The following PARD3B variants were observed in gnomAD, a reference collection of about 807,000 sequenced individuals.
The protein encoded by PARD3B is partitioning defective 3 homolog B.
Under a neutral mutation model 130.2 loss-of-function variants are expected in PARD3B, and 103 were observed. That is an observed-to-expected ratio of 0.79 (90% confidence interval 0.67 to 0.93). The LOEUF (loss-of-function observed/expected upper bound fraction) is 0.93, where lower values mean the gene tolerates loss of function less well. Ranked by LOEUF, PARD3B falls within the 40% of genes least tolerant of loss-of-function variation. PARD3B has a pLI of 0.00. For synonymous variants in PARD3B, 583 were observed against 553.2 expected, an observed-to-expected ratio of 1.05 and a Z score of -0.76; for missense variants, 1,609 against 1,499.2, an observed-to-expected ratio of 1.07 and a Z score of -1.21.
At chr2:205,238,897 T>C (rs2039218549) in intron 15 of PARD3B, among the ~76,000 whole-genome samples, 1 of 131,328 alleles carries the variant, frequency 7.6e-6, no homozygotes, top group African/African-American at 3.0e-5. Context: ...TATATATATA[T>C]ATATATATAT....
intron 22 of PARD3B, among the ~76,000 whole-genome samples, chr2:205,597,320 T>G (rs1462271254): frequency 6.6e-6 from 1 of 152,216 alleles, no homozygotes; most frequent in Non-Finnish European, 1.5e-5. Flanking sequence ...GGCACTGGCC[T>G]CTGGCTGCAT....
intron 4 of PARD3B, among the ~76,000 whole-genome samples, chr2:205,087,984 A>G (rs1701846582): frequency 1.3e-5 from 2 of 152,214 alleles, no homozygotes; most frequent in Admixed American, 1.3e-4. Context: ...AGTTAAGCCA[A>G]TTATTCTAGT....
At chr2:205,383,892 G>T (rs2216176) in intron 18 of PARD3B, among the ~76,000 whole-genome samples, 117,539 of 151,980 alleles carry the variant, frequency 0.77, 46,923 homozygotes, top group Admixed American at 0.88. Context: ...TGTTGCATGG[G>T]TGTTTACTTC....
At chr2:205,401,853 AAGAC>A (rs1215930990) in intron 19 of PARD3B, among the ~76,000 whole-genome samples, 1 of 152,216 alleles carries the variant, frequency 6.6e-6, no homozygotes, top group East Asian at 1.9e-4. Flanking sequence ...AGCTTGGAGA[AAGAC>A]TGAGATTATG....
chr2:205,368,507 C>G (rs2044690499), intron 18 of PARD3B, among the ~76,000 whole-genome samples: 1 of 152,040 alleles, frequency 6.6e-6, no homozygotes, highest in African/African-American at 2.4e-5. Flanking sequence ...TGGTGCACAC[C>G]TGTAATCCCA....
At chr2:205,477,620 T>A (rs2049071584) in intron 20 of PARD3B, among the ~76,000 whole-genome samples, 1 of 152,162 alleles carries the variant, frequency 6.6e-6, no homozygotes. Context: ...AGCACATGAT[T>A]TAGCCTCTCT....
In PARD3B at chr2:205,187,928, T is replaced by A. The variant is rs1196298979; in HGVS notation, c.2024+2065T>A. On this transcript the variant is annotated intron_variant, in intron 14 of 22. Transcript: ENST00000406610. This position sits in a 1 kb window ranked among gnomAD's most constrained non-coding sequence, Gnocchi z 4.9. ...ATTCTTCTTTTCCACTCTGCAGTATTTGGTTATTAAGTCATTTATTCACTT... is the reference window on the plus strand; with the variant it reads ...ATTCTTCTTTTCCACTCTGCAGTATATGGTTATTAAGTCATTTATTCACTT... 6.6e-6 allele frequency among the ~76,000 whole-genome samples: 1 copy of A among 152,190 alleles called. No individual in the cohort carries two copies. Among genetic ancestry groups the A allele is most frequent in the African/African-American group, 2.4e-5 (1 of 41,438 alleles).
chr2:205,443,482 G>A (rs1017021589), intron 20 of PARD3B, among the ~76,000 whole-genome samples: 1 of 152,152 alleles, frequency 6.6e-6, no homozygotes, highest in Non-Finnish European at 1.5e-5. Context: ...ATGTAGAAAT[G>A]GATCATTGCA....
At chr2:205,014,155 T>A (rs1695940565) in intron 3 of PARD3B, among the ~76,000 whole-genome samples, 1 of 152,200 alleles carries the variant, frequency 6.6e-6, no homozygotes, top group African/African-American at 2.4e-5. Flanking sequence ...AACCATGTAT[T>A]CAATAAAAAT....
intron 16 of PARD3B, among the ~76,000 whole-genome samples, chr2:205,270,992 G>A (rs2040704140): frequency 6.6e-6 from 1 of 152,128 alleles, no homozygotes; most frequent in African/African-American, 2.4e-5. Context: ...GGAAAAAGGT[G>A]TCTGGAAATG....
At position 205,091,423 on chromosome 2, in the gene PARD3B, T is replaced by C. The variant is rs986554290; in HGVS notation, c.505-13003T>C. Among the ~76,000 whole-genome samples, 1 of 152,128 alleles carries C rather than the reference T, an allele frequency of 6.6e-6. No individual in the cohort carries two copies. Among genetic ancestry groups the C allele is most frequent in the African/African-American group, 2.4e-5 (1 of 41,438 alleles). On this transcript the variant is annotated intron_variant, in intron 4 of 22. Transcript: ENST00000406610. The surrounding 1 kb of genome is among the most constrained non-coding windows in gnomAD (Gnocchi z 4.2). ...TGGCGACCTCTCACTTTTCTGCACC[T>C]TCTCGGGGAAATAGATGAGGAGGGT...
At chr2:204,937,725 G>A (rs755377903) in intron 2 of PARD3B, among the ~76,000 whole-genome samples, 1 of 152,132 alleles carries the variant, frequency 6.6e-6, no homozygotes, top group Non-Finnish European at 1.5e-5. Flanking sequence ...CTCTCTTGAT[G>A]TTAGCAGCTG....
chr2:205,240,552 G>T (rs1221990573), intron 15 of PARD3B, among the ~76,000 whole-genome samples: 1 of 152,096 alleles, frequency 6.6e-6, no homozygotes. Context: ...GAACACATTT[G>T]CATATTCCCC....
At chr2:205,178,174 A>T (rs1163051389) in intron 13 of PARD3B, among the ~76,000 whole-genome samples, 2 of 148,538 alleles carry the variant, frequency 1.3e-5, no homozygotes, top group Non-Finnish European at 3.0e-5. Context: ...AAAAAAAAAA[A>T]AAAATTAGTC....
intron 2 of PARD3B, among the ~76,000 whole-genome samples, chr2:204,775,175 G>A (rs768845541): frequency 5.3e-5 from 8 of 152,072 alleles, no homozygotes; most frequent in South Asian, 2.1e-4. Context: ...AACTTTGTTC[G>A]TAAATACGGA....
intron 1 of PARD3B, among the ~76,000 whole-genome samples, chr2:204,594,030 C>G (rs1189766721): frequency 2.6e-5 from 4 of 152,134 alleles, no homozygotes; most frequent in Non-Finnish European, 5.9e-5. Context: ...CACAGTGGTT[C>G]CATCAACACT....
chr2:204,573,845 C>T (rs1331609130), intron 1 of PARD3B, among the ~76,000 whole-genome samples: 5 of 152,228 alleles, frequency 3.3e-5, no homozygotes, highest in African/African-American at 1.2e-4. Context: ...ACCTCTGTCA[C>T]TGTGGCTCAT....
At chr2:205,206,450 A>C (rs1164051922) in intron 15 of PARD3B, among the ~76,000 whole-genome samples, 1 of 146,354 alleles carries the variant, frequency 6.8e-6, no homozygotes, top group Non-Finnish European at 1.5e-5. Flanking sequence ...CCCACCTATG[A>C]GTGAGAATAT....
intron 4 of PARD3B, among the ~76,000 whole-genome samples, chr2:205,062,571 A>G (rs1700123390): frequency 6.6e-6 from 1 of 152,162 alleles, no homozygotes; most frequent in Non-Finnish European, 1.5e-5. Flanking sequence ...AGGATGGAGA[A>G]TGTATTGTTT....
Sources: gnomAD v4.1 joint callset for allele counts (sites outside exome capture counted in the v4.1 genomes callset) on GRCh38, gnomAD v4.1.1 for gene constraint, Gnocchi (gnomAD v3.1) non-coding constraint, MANE v1.5 for transcripts, NCBI Gene and HGNC (gene_info 2026-07-23, HGNC 2026-07-21) for gene names.